The following DMD variants were observed in gnomAD, a reference collection of about 807,000 sequenced individuals.
DMD encodes the protein mutant dystrophin.
In DMD, 63 loss-of-function variants were observed where a neutral mutation model predicts 330.1. The observed-to-expected ratio is 0.19, with a 90% CI of 0.16 to 0.24. The LOEUF (loss-of-function observed/expected upper bound fraction) is 0.24, where lower values mean the gene tolerates loss of function less well. Ranked by LOEUF, DMD falls within the 10% of genes least tolerant of loss-of-function variation. The pLI, the probability that DMD is intolerant of heterozygous loss-of-function variation, is 1.00. For synonymous variants in DMD, 1,223 were observed against 959.8 expected, an observed-to-expected ratio of 1.27 and a Z score of -5.07; for missense variants, 3,344 against 2,684.1, an observed-to-expected ratio of 1.25 and a Z score of -5.43.
At position 32,569,316 on chromosome X, in the gene DMD, T is replaced by C. The variant is rs766944272; in HGVS notation, c.1813-3435A>G. Reference sequence around the variant, plus strand: ...TAATGCCAAGACAATTTCTCCTATATTGGCAAAATTGAGTTTTCCACCTAT... The same window carrying C: ...TAATGCCAAGACAATTTCTCCTATACTGGCAAAATTGAGTTTTCCACCTAT... On this transcript the variant is annotated intron_variant, in intron 15 of 78. Coordinates refer to ENST00000357033, the MANE Select transcript of DMD (RefSeq NM_004006.3). 3.6e-5 allele frequency among the ~76,000 whole-genome samples: 4 copies of C among 112,274 alleles called. No homozygotes were observed. The East Asian group carries it at 8.4e-4, about 24-fold the overall frequency.
intron 13 of DMD, among the ~76,000 whole-genome samples, chrX:32,582,891 G>A (rs758285302): frequency 1.8e-5 from 2 of 110,986 alleles, no homozygotes; most frequent in African/African-American, 3.3e-5. Context: ...AAGGACCTAG[G>A]AGCCATCTCT....
chrX:32,710,912 A>T (rs1473486920), intron 7 of DMD, among the ~76,000 whole-genome samples: 2 of 111,294 alleles, frequency 1.8e-5, no homozygotes, highest in Non-Finnish European at 3.8e-5. Flanking sequence ...GATATATGAG[A>T]AAGGGATTCA....
intron 44 of DMD, among the ~76,000 whole-genome samples, chrX:32,205,005 T>TCTCA (rs60181300): frequency 1.1e-3 from 33 of 29,237 alleles, no homozygotes; most frequent in African/African-American, 3.3e-3. Context: ...TCTCTCTCTC[T>TCTCA]CACATACACA....
At chrX:31,676,951 A>C (rs2082114040) in intron 53 of DMD, among the ~76,000 whole-genome samples, 1 of 111,779 alleles carries the variant, frequency 8.9e-6, no homozygotes. Context: ...CTTACATTGA[A>C]TCTGCAGCAA....
rs1490939579 is a variant in DMD at position 31,373,216 on chromosome X, A to C, written c.9085-24582T>G. ...CATTCCATGCTCATGGGTAGGAAGAATCAATATCGTGAAAATGGCCATACT... is the reference window on the plus strand; with the variant it reads ...CATTCCATGCTCATGGGTAGGAAGACTCAATATCGTGAAAATGGCCATACT... On this transcript the variant is annotated intron_variant, in intron 60 of 78. Coordinates refer to ENST00000357033, the MANE Select transcript of DMD (RefSeq NM_004006.3). Among the ~76,000 whole-genome samples, 3 of 106,778 alleles carry C rather than the reference A, an allele frequency of 2.8e-5. No individual in the cohort carries two copies. The East Asian group carries it at 8.8e-4, about 31-fold the overall frequency. 92.7% of individuals were successfully genotyped at this position (106,778 alleles called of 115,157 possible).
At chrX:32,111,394 A>T (rs1288633509) in intron 44 of DMD, among the ~76,000 whole-genome samples, 1 of 111,633 alleles carries the variant, frequency 9.0e-6, no homozygotes, top group Non-Finnish European at 1.9e-5. Context: ...ATTTACTAAA[A>T]TTTTTTTCTT....
At chrX:32,479,599 C>A (rs182471031) in intron 21 of DMD, among the ~76,000 whole-genome samples, 1 of 110,177 alleles carries the variant, frequency 9.1e-6, no homozygotes, top group Non-Finnish European at 1.9e-5. Flanking sequence ...TACATGGTGG[C>A]AAATGACAGA....
chrX:32,686,578 A>AAAAAAAG (rs1556919375), intron 9 of DMD, among the ~76,000 whole-genome samples: 12 of 105,627 alleles, frequency 1.1e-4, no homozygotes, highest in African/African-American at 1.7e-4. Context: ...AAAAAAAAAA[A>AAAAAAAG]AAAAGAAAAG....
At chrX:32,471,202 CG>C (rs1267954441) in intron 22 of DMD, among the ~76,000 whole-genome samples, 2 of 111,391 alleles carry the variant, frequency 1.8e-5, no homozygotes, top group Non-Finnish European at 3.8e-5. Context: ...CACTTGAACC[CG>C]GGAGGCGTAG....
chrX:33,048,082 T>A (rs1223695277), intron 1 of DMD, among the ~76,000 whole-genome samples: 3 of 112,404 alleles, frequency 2.7e-5, no homozygotes, highest in Non-Finnish European at 5.6e-5. Context: ...ACTGTATATA[T>A]GCATATAATA....
Position 31,593,287 on chromosome X carries a change from C to T in DMD, c.8217+34386G>A, listed in dbSNP as rs772666284. 5.4e-5 allele frequency among the ~76,000 whole-genome samples: 6 copies of T among 111,026 alleles called. No homozygotes were observed. The East Asian group carries it at 1.7e-3, about 31-fold the overall frequency. ...GGTAAAGACTTGGAGGGGGTTTAAA[C>T]CCAAGCTCTGTAGCTATAGAATCTT... On this transcript the variant is annotated intron_variant, in intron 55 of 78. Coordinates refer to ENST00000357033, the MANE Select transcript of DMD (RefSeq NM_004006.3).
At chrX:31,463,250 G>GTTCCT (rs943192028) in intron 59 of DMD, among the ~76,000 whole-genome samples, 5 of 111,610 alleles carry the variant, frequency 4.5e-5, no homozygotes, top group African/African-American at 1.3e-4. Flanking sequence ...AAAACCTGCA[G>GTTCCT]TAAGTGTAAA....
At chrX:33,324,251 T>C (rs908412021) in intron 1 of DMD, among the ~76,000 whole-genome samples, 1 of 110,609 alleles carries the variant, frequency 9.0e-6, no homozygotes, top group Non-Finnish European at 1.9e-5. Context: ...CAGTACAGTG[T>C]GAGTTTCATG....
chrX:31,562,618 G>A (rs2075257876), intron 55 of DMD, among the ~76,000 whole-genome samples: 2 of 111,516 alleles, frequency 1.8e-5, no homozygotes, highest in Non-Finnish European at 3.8e-5. Context: ...CCTATACTTC[G>A]GCCAGTTTTG....
At chrX:32,161,043 C>T (rs1403850761) in intron 44 of DMD, among the ~76,000 whole-genome samples, 1 of 111,427 alleles carries the variant, frequency 9.0e-6, no homozygotes, top group African/African-American at 3.3e-5. Context: ...CTCTGACAAG[C>T]TAGTTAGCCT....
At chrX:32,036,730 T>G (rs944557313) in intron 44 of DMD, among the ~76,000 whole-genome samples, 2 of 111,574 alleles carry the variant, frequency 1.8e-5, no homozygotes, top group Non-Finnish European at 3.8e-5. Flanking sequence ...AAAGACAAGA[T>G]TACCCACATA....
At chrX:32,593,921 G>T (rs808547) in intron 13 of DMD, among the ~76,000 whole-genome samples, 22,900 of 111,533 alleles carry the variant, frequency 0.21, 1,845 homozygotes, top group South Asian at 0.44. Context: ...CAGTAACATT[G>T]CTGAGGGACA....
In DMD at chrX:31,515,323, C is replaced by T. The variant is rs778941968; in HGVS notation, c.8218-7870G>A. Among the ~76,000 whole-genome samples the T allele has an allele frequency of 1.0e-3, 113 of 111,577 alleles. 1 individual carries two copies. Among genetic ancestry groups the T allele is most frequent in the African/African-American group, 3.5e-3 (109 of 30,830 alleles). Reference sequence around the variant, plus strand: ...GGAATTATTGGTCTCTAAAATAGGACTCAGCAAATGAAAACTTCCCCATTT... The same window carrying T: ...GGAATTATTGGTCTCTAAAATAGGATTCAGCAAATGAAAACTTCCCCATTT... On this transcript the variant is annotated intron_variant, in intron 55 of 78. Coordinates refer to ENST00000357033, the MANE Select transcript of DMD (RefSeq NM_004006.3).
At chrX:32,778,243 C>CAAAAAAAAA (rs35311570) in intron 7 of DMD, among the ~76,000 whole-genome samples, 3 of 67,642 alleles carry the variant, frequency 4.4e-5, no homozygotes, top group African/African-American at 1.7e-4. Context: ...CAGATCCTCG[C>CAAAAAAAAA]AAAAAAAAAA....
Sources: allele counts gnomAD v4.1 joint callset (sites outside exome capture counted in the v4.1 genomes callset), GRCh38; gene constraint gnomAD v4.1.1; transcripts MANE v1.5; gene names NCBI Gene and HGNC (gene_info 2026-07-23, HGNC 2026-07-21).